Variants in PBRM1 observed in about 807,000 individuals in gnomAD.
The protein encoded by PBRM1 is polybromo 1, also known as protein polybromo-1.
Under a neutral mutation model 194.5 loss-of-function variants are expected in PBRM1, and 27 were observed. The ratio of observed to expected loss-of-function variants is 0.14; its 90% CI spans 0.10 to 0.19. The LOEUF (loss-of-function observed/expected upper bound fraction) is 0.19, where lower values mean the gene tolerates loss of function less well. Ranked by LOEUF, PBRM1 falls within the 10% of genes least tolerant of loss-of-function variation. The pLI, the probability that PBRM1 is intolerant of heterozygous loss-of-function variation, is 1.00. For missense variants in PBRM1, 1,466 were observed against 2,077.2 expected, an observed-to-expected ratio of 0.71 and a Z score of 5.72; for synonymous variants, 655 against 693.2, an observed-to-expected ratio of 0.94 and a Z score of 0.87.
chr3:52,579,094 A>C, exon 21 of PBRM1: 3 of 1,614,196 alleles, frequency 1.9e-6, no homozygotes, highest in Non-Finnish European at 2.5e-6. Flanking sequence ...GACTTGATGA[A>C]GACACAGTCG....
chr3:52,618,385 A>AG (rs1159663644), intron 13 of PBRM1, among the ~76,000 whole-genome samples: 1 of 152,158 alleles, frequency 6.6e-6, no homozygotes, highest in Admixed American at 6.6e-5. Context: ...ACTGGCTCAG[A>AG]GGGGGTAAAA....
At chr3:52,680,094 A>AGG (rs2097177315), upstream of PBRM1, among the ~76,000 whole-genome samples, 1 of 152,210 alleles carries the variant, frequency 6.6e-6, no homozygotes, top group Admixed American at 6.5e-5. Context: ...GCAGTCAGGC[A>AGG]GGCCTGGGGT....
At chr3:52,586,064 T>C (rs1304292738) in intron 20 of PBRM1, 1 of 168,176 alleles carries the variant, frequency 5.9e-6, no homozygotes, top group Non-Finnish European at 1.3e-5. Context: ...GCCTCCTGGG[T>C]AGCTGGAATT....
At chr3:52,658,089 G>A (rs902511710) in intron 5 of PBRM1, 110 bp downstream of exon 6, 35 of 647,126 alleles carry the variant, frequency 5.4e-5, no homozygotes, top group South Asian at 4.1e-4. Context: ...CACCACACCC[G>A]GCCCAACATC....
chr3:52,559,926 G>A (rs1331981718), intron 25 of PBRM1, among the ~76,000 whole-genome samples: 2 of 144,246 alleles, frequency 1.4e-5, no homozygotes, highest in African/African-American at 5.2e-5. Flanking sequence ...AGTAAAGTGG[G>A]AAAGCAAAAA....
At chr3:52,628,903 T>C (rs1276825878) in exon 12 of PBRM1, 8 of 1,613,834 alleles carry the variant, frequency 5.0e-6, no homozygotes, top group Non-Finnish European at 5.9e-6. Flanking sequence ...CCTGCATAAC[T>C]TGCTGCAATT....
chr3:52,643,496 C>G (rs1376591201), intron 8 of PBRM1, among the ~76,000 whole-genome samples, 153 bp from the exon 10 acceptor site: 1 of 152,180 alleles, frequency 6.6e-6, no homozygotes, highest in African/African-American at 2.4e-5. Context: ...TGCTTCAGGC[C>G]CTGGGGACTC....
intron 2 of PBRM1, among the ~76,000 whole-genome samples, chr3:52,674,496 A>AAG (rs34774607): frequency 0.31 from 42,763 of 137,716 alleles, 7,904 homozygotes; most frequent in Admixed American, 0.42. Flanking sequence ...AAAAAAAAAA[A>AAG]AGAGAGAGAG....
chr3:52,575,226 CCAAA>C (rs71084192), intron 22 of PBRM1, among the ~76,000 whole-genome samples: 4,263 of 151,064 alleles, frequency 0.028, 200 homozygotes, highest in African/African-American at 0.097. Flanking sequence ...TTAAAACAAA[CCAAA>C]CAAACAAACA....
intron 13 of PBRM1, 60 bp from the exon 16 acceptor site, chr3:52,617,598 C>T (rs1323129000): frequency 3.5e-5 from 43 of 1,213,782 alleles, no homozygotes; most frequent in Middle Eastern, 3.9e-4. Flanking sequence ...TCTTAATATA[C>T]GGATGACCAC....
At chr3:52,604,781 T>C (rs2094232608) in intron 16 of PBRM1, among the ~76,000 whole-genome samples, 1 of 151,516 alleles carries the variant, frequency 6.6e-6, no homozygotes, top group Non-Finnish European at 1.5e-5. Flanking sequence ...TGGGCCAAAA[T>C]GGTGAAACCC....
At chr3:52,682,226 T>C (rs975340872), upstream of PBRM1, 1 of 152,002 alleles carries the variant, frequency 6.6e-6, no homozygotes, top group Non-Finnish European at 1.5e-5. Context: ...ACACCAAGTG[T>C]TGGCAAGCTG....
intron 2 of PBRM1, among the ~76,000 whole-genome samples, chr3:52,675,412 GA>G (rs1215471531): frequency 6.6e-6 from 1 of 152,154 alleles, no homozygotes; most frequent in Non-Finnish European, 1.5e-5. Context: ...GATACTACAA[GA>G]AAACTACTGA....
At chr3:52,585,578 G>C (rs1339069601) in intron 20 of PBRM1, 2 of 152,282 alleles carry the variant, frequency 1.3e-5, no homozygotes, top group African/African-American at 4.8e-5. Context: ...GCCCAGGCTG[G>C]ACTGCAATAG....
intron 15 of PBRM1, among the ~76,000 whole-genome samples, chr3:52,614,888 A>G (rs1042753837): frequency 6.6e-6 from 1 of 152,080 alleles, no homozygotes; most frequent in East Asian, 1.9e-4. Context: ...ACAACTTTTA[A>G]TAAAACAACC....
intron 5 of PBRM1, 100 bp downstream of exon 6, chr3:52,658,099 C>T (rs2096644090): frequency 2.9e-6 from 2 of 680,706 alleles, no homozygotes; most frequent in Admixed American, 2.0e-5. Context: ...GGCCCAACAT[C>T]TTCCTTTTGA....
At chr3:52,610,807 G>A (rs574893022) in intron 15 of PBRM1, among the ~76,000 whole-genome samples, 1 of 152,236 alleles carries the variant, frequency 6.6e-6, no homozygotes, top group East Asian at 1.9e-4. Context: ...GAGTGTGGTG[G>A]TGGCGCCTGT....
At chr3:52,583,489 C>A (rs905336503) in intron 20 of PBRM1, among the ~76,000 whole-genome samples, 3 of 151,554 alleles carry the variant, frequency 2.0e-5, no homozygotes, top group Non-Finnish European at 4.4e-5. Context: ...TATTATCAGT[C>A]TTTTCAACTC....
intron 10 of PBRM1, among the ~76,000 whole-genome samples, chr3:52,640,075 C>T (rs1454859727): frequency 6.6e-6 from 1 of 152,142 alleles, no homozygotes; most frequent in Non-Finnish European, 1.5e-5. Context: ...AGCTCTTCTA[C>T]AATTTAACTT....
Sources: allele counts gnomAD v4.1 joint callset (sites outside exome capture counted in the v4.1 genomes callset), GRCh38; gene constraint gnomAD v4.1.1; transcripts MANE v1.5; gene names NCBI Gene and HGNC (gene_info 2026-07-23, HGNC 2026-07-21).